The following THSD7B variants were observed in gnomAD, a reference collection of about 807,000 sequenced individuals.
THSD7B encodes the protein thrombospondin type-1 domain-containing protein 7B.
Under a neutral mutation model 213.6 loss-of-function variants are expected in THSD7B, and 138 were observed. The observed-to-expected ratio is 0.65, with a 90% CI of 0.56 to 0.74. The LOEUF is 0.74. Among genes scored for constraint, THSD7B ranks in the 30% least tolerant of loss-of-function variants. The probability of loss-of-function intolerance (pLI) is 0.00; values close to 1 mark genes in which losing one functional copy is unlikely to be tolerated. For missense variants in THSD7B, 1,931 were observed against 1,991.5 expected (o/e 0.97, Z 0.58); for synonymous variants, 742 against 687.0 (o/e 1.08, Z -1.25).
At chr2:137,131,288 C>T (rs1688726165) in intron 5 of THSD7B, among the ~76,000 whole-genome samples, 1 of 151,570 alleles carries the variant, frequency 6.6e-6, no homozygotes, top group African/African-American at 2.4e-5. Context: ...AGCCCTTTGT[C>T]AGATGAGTAG....
intron 1 of THSD7B, among the ~76,000 whole-genome samples, chr2:136,776,742 G>A (rs1193828548): frequency 6.6e-6 from 1 of 152,162 alleles, no homozygotes; most frequent in Non-Finnish European, 1.5e-5. Context: ...GTTCAAAATA[G>A]TATGAAATAA....
intron 1 of THSD7B, among the ~76,000 whole-genome samples, chr2:136,863,401 G>A (rs1683284686): frequency 6.6e-6 from 1 of 152,188 alleles, no homozygotes; most frequent in African/African-American, 2.4e-5. Context: ...ATACTGAGAT[G>A]TAATATCATG....
chr2:137,622,308 C>T (rs955206110), intron 20 of THSD7B, among the ~76,000 whole-genome samples: 2 of 151,818 alleles, frequency 1.3e-5, no homozygotes, highest in East Asian at 1.9e-4. Context: ...TCCAGAGTCT[C>T]ATCTGAGACT....
At chr2:137,007,615 A>G (rs559622752) in intron 2 of THSD7B, among the ~76,000 whole-genome samples, 1 of 152,304 alleles carries the variant, frequency 6.6e-6, no homozygotes, top group African/African-American at 2.4e-5. Context: ...CTTGAATTCT[A>G]TACTTGGACC....
chr2:137,413,703 G>T (rs1212083523), intron 14 of THSD7B, among the ~76,000 whole-genome samples: 1 of 152,308 alleles, frequency 6.6e-6, no homozygotes, highest in African/African-American at 2.4e-5. Context: ...AGTTGAAGAA[G>T]TATGTGGAAT....
intron 10 of THSD7B, among the ~76,000 whole-genome samples, chr2:137,247,035 AT>A (rs1404806896): frequency 6.6e-6 from 1 of 152,140 alleles, no homozygotes; most frequent in Non-Finnish European, 1.5e-5. Context: ...AATGCCTAAT[AT>A]TTTACAATAT....
intron 15 of THSD7B, among the ~76,000 whole-genome samples, chr2:137,529,112 C>T (rs1028580395): frequency 6.6e-6 from 1 of 152,056 alleles, no homozygotes; most frequent in Non-Finnish European, 1.5e-5. Context: ...TTCATGGAGA[C>T]AGTACTTTCC....
In THSD7B at chr2:137,677,462, A is replaced by G. The variant is rs1474224949; in HGVS notation, c.*857A>G. ...GACAAACTCTGCTTTTGTAATTTCA[A>G]TTTTCTTATCTGAATATTTATAAAT... On this transcript the variant is annotated 3_prime_UTR_variant, in exon 28 of 28. Transcript: ENST00000409968. 6.6e-6 allele frequency: 1 copy of G among 152,468 alleles called. No individual in the cohort carries two copies. The highest frequency in any genetic ancestry group is 1.9e-4 in the East Asian group (1 of 5,198). 9.4% of individuals were successfully genotyped at this position (152,468 alleles called of 1,614,324 possible).
intron 15 of THSD7B, among the ~76,000 whole-genome samples, chr2:137,560,004 G>C (rs1168342393): frequency 2.6e-5 from 4 of 152,046 alleles, no homozygotes; most frequent in African/African-American, 4.8e-5. Flanking sequence ...ATCAAAACCA[G>C]AATGAGGTAT....
At chr2:137,571,059 G>T (rs1314108380) in intron 16 of THSD7B, among the ~76,000 whole-genome samples, 1 of 152,150 alleles carries the variant, frequency 6.6e-6, no homozygotes, top group African/African-American at 2.4e-5. Context: ...ACACAACTGT[G>T]TAACCAGCCC....
rs1489468452 is a variant in THSD7B at position 137,115,255 on chromosome 2, A to G, written c.1331A>G (p.Gln444Arg). ...GIQTREVYCA[Q>R]SVPAAAALRA... ...CAGACCCGGGAGGTGTACTGTGCCC[A>G]GAGCGTACCAGCAGCTGCCGCACTG... The change falls in exon 5 of 28, where the codon CAG (glutamine) becomes CGG (arginine). Residue 444 changes from glutamine (Q) to arginine (R), a missense_variant. By Grantham distance (43) the Gln-to-Arg change is conservative. Transcript: ENST00000409968. 1.2e-6 allele frequency: 2 copies of G among 1,605,532 alleles called. No individual in the cohort carries two copies. Among genetic ancestry groups the G allele is most frequent in the East Asian group, 2.2e-5 (1 of 44,596 alleles).
At chr2:137,374,464 A>G (rs1305041877) in intron 12 of THSD7B, among the ~76,000 whole-genome samples, 1 of 152,198 alleles carries the variant, frequency 6.6e-6, no homozygotes, top group Non-Finnish European at 1.5e-5. Flanking sequence ...GTGCAGTTAT[A>G]GAAGGACGTG....
chr2:137,163,075 C>T (rs190492354), intron 6 of THSD7B, among the ~76,000 whole-genome samples: 6 of 152,234 alleles, frequency 3.9e-5, no homozygotes, highest in African/African-American at 9.6e-5. Context: ...TTTATTTTTC[C>T]GGATAATTCG....
chr2:137,290,401 T>C (rs545542809), intron 12 of THSD7B, among the ~76,000 whole-genome samples: 2 of 152,278 alleles, frequency 1.3e-5, no homozygotes, highest in South Asian at 4.2e-4. Flanking sequence ...AAGAGTTTTC[T>C]TTCTGAGAGT....
chr2:137,067,856 A>C (rs1295342944), intron 3 of THSD7B, among the ~76,000 whole-genome samples: 1 of 151,942 alleles, frequency 6.6e-6, no homozygotes, highest in Non-Finnish European at 1.5e-5. Flanking sequence ...ACATGAAGAA[A>C]ATTTTTTCTT....
chr2:137,296,236 G>C (rs1284604955), intron 12 of THSD7B, among the ~76,000 whole-genome samples: 1 of 152,058 alleles, frequency 6.6e-6, no homozygotes, highest in Non-Finnish European at 1.5e-5. Context: ...TGAATCCTTT[G>C]TTTTATGCTC....
At chr2:136,943,060 AAG>A (rs1684859968) in intron 2 of THSD7B, among the ~76,000 whole-genome samples, 2 of 152,206 alleles carry the variant, frequency 1.3e-5, no homozygotes, top group Non-Finnish European at 2.9e-5. Flanking sequence ...TTTAGCATGA[AAG>A]GCTGTTGAAT....
chr2:137,084,295 TATA>T (rs1456264648), intron 3 of THSD7B, among the ~76,000 whole-genome samples: 1 of 151,886 alleles, frequency 6.6e-6, no homozygotes. Flanking sequence ...CAAGAAAAAA[TATA>T]ATAAAGGACG....
At chr2:137,052,755 A>AT (rs933451235) in intron 2 of THSD7B, among the ~76,000 whole-genome samples, 1 of 152,112 alleles carries the variant, frequency 6.6e-6, no homozygotes, top group Non-Finnish European at 1.5e-5. Flanking sequence ...GGGCTGTGTG[A>AT]TTTTCACTCA....
Sources: gnomAD v4.1 joint callset for allele counts (sites outside exome capture counted in the v4.1 genomes callset) on GRCh38, gnomAD v4.1.1 for gene constraint, MANE v1.5 for transcripts, NCBI Gene and HGNC (gene_info 2026-07-23, HGNC 2026-07-21) for gene names.